SLAMF6: variants seen among roughly 807,000 people sequenced by gnomAD.
SLAMF6 encodes the protein NK-T-B-antigen.
Under a neutral mutation model 38.3 loss-of-function variants are expected in SLAMF6, and 21 were observed. The observed-to-expected ratio is 0.55, with a 90% confidence interval of 0.39 to 0.79. The LOEUF is 0.79. Among genes scored for constraint, SLAMF6 ranks in the 30% least tolerant of loss-of-function variants. The probability of loss-of-function intolerance (pLI) is 0.00; values close to 1 mark genes in which losing one functional copy is unlikely to be tolerated. For missense variants in SLAMF6, 341 were observed against 385.3 expected (o/e 0.89, Z 0.96); for synonymous variants, 152 against 146.3 (o/e 1.04, Z -0.28).
intron 1 of SLAMF6, among the ~76,000 whole-genome samples, chr1:160,500,759 C>A (rs1391920509): frequency 6.6e-6 from 1 of 152,138 alleles, no homozygotes; most frequent in Non-Finnish European, 1.5e-5. Flanking sequence ...TGAATATTTA[C>A]TGAGTGAATG....
At chr1:160,513,855 T>A (rs1475097136) in intron 1 of SLAMF6, among the ~76,000 whole-genome samples, 1 of 152,158 alleles carries the variant, frequency 6.6e-6, no homozygotes, top group East Asian at 1.9e-4. Flanking sequence ...CAAGAGCTCC[T>A]GAAGGAAGCA....
chr1:160,506,894 A>C (rs1359785878), intron 1 of SLAMF6, among the ~76,000 whole-genome samples: 1 of 152,158 alleles, frequency 6.6e-6, no homozygotes, highest in Admixed American at 6.5e-5. Context: ...ACAATAACTA[A>C]AAATACAGGA....
At chr1:160,516,306 G>A (rs1654740179) in intron 1 of SLAMF6, among the ~76,000 whole-genome samples, 1 of 151,976 alleles carries the variant, frequency 6.6e-6, no homozygotes. Flanking sequence ...GGAAGTGAAG[G>A]AACCTCTTCA....
intron 1 of SLAMF6, among the ~76,000 whole-genome samples, chr1:160,510,659 T>C (rs1477306264): frequency 6.6e-6 from 1 of 152,108 alleles, no homozygotes; most frequent in Non-Finnish European, 1.5e-5. Context: ...CTAAAAGCCT[T>C]TCAAATAACA....
At chr1:160,497,210 C>T (rs1653633646) in intron 1 of SLAMF6, among the ~76,000 whole-genome samples, 1 of 152,140 alleles carries the variant, frequency 6.6e-6, no homozygotes, top group Admixed American at 6.5e-5. Context: ...ATGATGGCCA[C>T]ATTCTTGTGA....
chr1:160,503,704 C>A (rs1004733198), intron 1 of SLAMF6, among the ~76,000 whole-genome samples: 1 of 152,030 alleles, frequency 6.6e-6, no homozygotes, highest in African/African-American at 2.4e-5. Flanking sequence ...CACACTCATG[C>A]GAACACACAC....
intron 1 of SLAMF6, among the ~76,000 whole-genome samples, chr1:160,512,487 A>G (rs1654524389): frequency 1.3e-5 from 2 of 152,156 alleles, no homozygotes; most frequent in Admixed American, 1.3e-4. Flanking sequence ...ACCACAGCAC[A>G]TCCTTTCTGC....
intron 1 of SLAMF6, among the ~76,000 whole-genome samples, chr1:160,517,889 A>C (rs988878534): frequency 6.6e-6 from 1 of 152,190 alleles, no homozygotes; most frequent in African/African-American, 2.4e-5. Context: ...ATTAAGAAAA[A>C]TAGATAATGC....
Position 160,485,084 on chromosome 1 carries a change from T to C in SLAMF6, c.*1623A>G, listed in dbSNP as rs1652901181. ...TTTATTTTTTGAGACAGAGTCTCAC[T>C]CTGTCACCCAGACTGGAATACATTG... On this transcript the variant is annotated 3_prime_UTR_variant, in exon 8 of 8. Coordinates refer to ENST00000368057, the MANE Select transcript of SLAMF6 (RefSeq NM_001184714.2). 1 of 152,220 alleles carries C rather than the reference T, an allele frequency of 6.6e-6. No individual in the cohort carries two copies. Among genetic ancestry groups the C allele is most frequent in the Non-Finnish European group, 1.5e-5 (1 of 68,042 alleles). The allele number at this position is 152,220 out of a possible 1,614,324, so 9.4% of individuals were successfully genotyped here. A position where few individuals can be genotyped will look rare whatever the true frequency, so the allele number is the denominator to read the frequency against.
chr1:160,508,731 A>C (rs12058767), intron 1 of SLAMF6, among the ~76,000 whole-genome samples: 5,216 of 152,244 alleles, frequency 0.034, 338 homozygotes, highest in African/African-American at 0.12. Context: ...CAACCTACAT[A>C]ATGGGAGAAA....
In SLAMF6 at chr1:160,490,681, A is replaced by G. The variant is rs764586498; in HGVS notation, c.651T>C (p.Val217=). The G allele has an allele frequency of 1.8e-5, 29 of 1,612,326 alleles. No homozygotes were observed. Among genetic ancestry groups the G allele is most frequent in the Non-Finnish European group, 2.4e-5 (28 of 1,179,506 alleles). ...TTTTGGTATCTGTATATTGAATTTTAACATCTGAAAAGAGAAAAAAGAAAT... is the reference window on the plus strand; with the variant it reads ...TTTTGGTATCTGTATATTGAATTTTGACATCTGAAAAGAGAAAAAAGAAAT... ...SVSAQKLCED[V]KIQYTDTKMI... Residue 217 remains valine (V), a synonymous_variant, in exon 4 of 8, where the codon GTT becomes GTC. Transcript: ENST00000368057.
intron 1 of SLAMF6, among the ~76,000 whole-genome samples, chr1:160,501,539 T>C: frequency 6.6e-6 from 1 of 152,192 alleles, no homozygotes; most frequent in East Asian, 1.9e-4. Flanking sequence ...GTTAGAGATA[T>C]GTGCTCCATG....
chr1:160,495,164 A>G (rs918952363), intron 2 of SLAMF6, among the ~76,000 whole-genome samples: 2 of 152,188 alleles, frequency 1.3e-5, no homozygotes, highest in Non-Finnish European at 2.9e-5. Context: ...GTCTTAACCC[A>G]AAGGACTCTG....
At chr1:160,520,589 T>G (rs1654942220) in intron 1 of SLAMF6, among the ~76,000 whole-genome samples, 1 of 152,204 alleles carries the variant, frequency 6.6e-6, no homozygotes, top group Non-Finnish European at 1.5e-5. Context: ...CAAACGAGAT[T>G]TATTTTCTCT....
chr1:160,494,913 A>T (rs1427276047), intron 2 of SLAMF6, among the ~76,000 whole-genome samples: 1 of 152,152 alleles, frequency 6.6e-6, no homozygotes, highest in Non-Finnish European at 1.5e-5. Context: ...CAGCAGCCTC[A>T]GGAAAGTAAT....
At chr1:160,498,803 C>A (rs1653730422) in intron 1 of SLAMF6, among the ~76,000 whole-genome samples, 1 of 152,052 alleles carries the variant, frequency 6.6e-6, no homozygotes, top group South Asian at 2.1e-4. Context: ...ATTTGGATTT[C>A]TCTGATGATT....
chr1:160,511,982 C>A (rs1267497680), intron 1 of SLAMF6, among the ~76,000 whole-genome samples: 1 of 152,180 alleles, frequency 6.6e-6, no homozygotes, highest in East Asian at 1.9e-4. Context: ...ATGCTTTTTC[C>A]ATGGATCTGT....
At chr1:160,487,238 T>C in intron 6 of SLAMF6, 63 bp from the exon 7 acceptor site, 1 of 1,392,890 alleles carries the variant, frequency 7.2e-7, no homozygotes, top group Non-Finnish European at 1.0e-6. Flanking sequence ...CATAGATATA[T>C]TCTTAGGAAA....
chr1:160,504,510 T>C (rs962746481), intron 1 of SLAMF6, among the ~76,000 whole-genome samples: 1 of 152,192 alleles, frequency 6.6e-6, no homozygotes, highest in African/African-American at 2.4e-5. Context: ...TAGGAGACCA[T>C]GGTCACTGGT....
Sources: gnomAD v4.1 joint callset for allele counts (sites outside exome capture counted in the v4.1 genomes callset) on GRCh38, gnomAD v4.1.1 for gene constraint, MANE v1.5 for transcripts, NCBI Gene and HGNC (gene_info 2026-07-23, HGNC 2026-07-21) for gene names.